TUSC3: variants seen among roughly 807,000 people sequenced by gnomAD.
TUSC3 encodes tumor suppressor candidate 3, also known as dolichyl-diphosphooligosaccharide--protein glycosyltransferase subunit TUSC3.
A neutral mutation model predicts 44.8 loss-of-function variants in TUSC3; 45 were observed. The observed-to-expected ratio is 1.00, with a 90% confidence interval of 0.79 to 1.29. The LOEUF is 1.29. TUSC3 is among the 50% of genes most tolerant of loss of function. The pLI is 0.00. For synonymous variants in TUSC3, 212 were observed against 152.9 expected (o/e 1.39, Z -2.85); for missense variants, 519 against 437.9 (o/e 1.19, Z -1.65).
At chr8:15,514,970 A>T (rs1420723794) in intron 2 of TUSC3, among the ~76,000 whole-genome samples, 1 of 152,204 alleles carries the variant, frequency 6.6e-6, no homozygotes, top group Non-Finnish European at 1.5e-5. Flanking sequence ...ACATATAGAG[A>T]ATACTCCATA....
intron 2 of TUSC3, among the ~76,000 whole-genome samples, chr8:15,512,954 A>ATATATG (rs1554508703): frequency 1.5e-3 from 161 of 110,294 alleles, no homozygotes; most frequent in African/African-American, 4.7e-3. Flanking sequence ...ATATATATAT[A>ATATATG]TATATGATTC....
At chr8:15,817,261 T>G in the TUSC3 span, among the ~76,000 whole-genome samples, 1 of 152,074 alleles carries the variant, frequency 6.6e-6, no homozygotes, top group African/African-American at 2.4e-5. Flanking sequence ...AGGTTCTTCA[T>G]GGTATGTGGT....
the TUSC3 span, among the ~76,000 whole-genome samples, chr8:15,814,944 T>A: frequency 6.6e-6 from 1 of 152,150 alleles, no homozygotes; most frequent in African/African-American, 2.4e-5. Flanking sequence ...ATAAAACATG[T>A]TGGCTACAAC....
intron 2 of TUSC3, among the ~76,000 whole-genome samples, chr8:15,490,479 C>G (rs544382112): frequency 3.3e-5 from 5 of 152,136 alleles, no homozygotes; most frequent in African/African-American, 7.2e-5. Flanking sequence ...ATTGGGTGCA[C>G]TCAACTGAAG....
intron 1 of TUSC3, among the ~76,000 whole-genome samples, chr8:15,472,445 A>T (rs953526987): frequency 5.9e-5 from 9 of 152,194 alleles, no homozygotes; most frequent in Non-Finnish European, 7.3e-5. Flanking sequence ...TTTGCAGGTG[A>T]CTTTTGAAGG....
chr8:15,773,914 C>T, the TUSC3 span, among the ~76,000 whole-genome samples: 15 of 152,150 alleles, frequency 9.9e-5, no homozygotes, highest in Non-Finnish European at 1.3e-4. Flanking sequence ...AATGGATCAA[C>T]GATGTAAACT....
At chr8:15,840,622 T>C in the TUSC3 span, among the ~76,000 whole-genome samples, 1 of 152,146 alleles carries the variant, frequency 6.6e-6, no homozygotes, top group African/African-American at 2.4e-5. Flanking sequence ...TAATTCCTAG[T>C]TAAAAATCAA....
intron 7 of TUSC3, among the ~76,000 whole-genome samples, chr8:15,738,159 G>A (rs995358019): frequency 1.6e-4 from 24 of 152,084 alleles, no homozygotes; most frequent in Non-Finnish European, 4.4e-5. Flanking sequence ...AACATTCTGA[G>A]AAAGAGATCA....
In TUSC3 at chr8:15,673,835, T is replaced by A. The variant is rs1345389131; in HGVS notation, c.797T>A (p.Val266Glu). The A allele has an allele frequency of 6.2e-7, 1 of 1,610,618 alleles. No homozygotes were observed. Among genetic ancestry groups the A allele is most frequent in the Non-Finnish European group, 8.5e-7 (1 of 1,177,292 alleles). The change falls in exon 6 of 11, where the codon GTG becomes GAG. Residue 266 changes from valine to glutamate, a missense_variant and splice_region_variant. Physicochemically the swap from Val to Glu is moderately radical, Grantham distance 121. Coordinates refer to ENST00000503731, the MANE Select transcript of TUSC3 (RefSeq NM_006765.4). ...YAHKNPHNGQ[V>E]SYIHGSSQAQ... is the part of the protein sequence containing the mutation. ...CATAAGAACCCACACAATGGACAAG[T>A]GGTAAGTGTAATTTATAAGCATGAA...
At chr8:15,628,903 G>T (rs1022867143) in intron 2 of TUSC3, among the ~76,000 whole-genome samples, 1 of 152,162 alleles carries the variant, frequency 6.6e-6, no homozygotes, top group African/African-American at 2.4e-5. Context: ...GAGAGAATAT[G>T]GGAAATATGT....
intron 3 of TUSC3, among the ~76,000 whole-genome samples, chr8:15,652,828 A>G (rs925711055): frequency 1.3e-5 from 2 of 152,274 alleles, no homozygotes; most frequent in African/African-American, 2.4e-5. Context: ...TTGAGGCCCA[A>G]ATATCTTACA....
chr8:15,459,990 A>G (rs1485166874), intron 1 of TUSC3, among the ~76,000 whole-genome samples: 1 of 152,316 alleles, frequency 6.6e-6, no homozygotes, highest in East Asian at 1.9e-4. Flanking sequence ...TTGTGCAGCT[A>G]TAAACATGCA....
chr8:15,478,280 T>C (rs1800609196), intron 1 of TUSC3, among the ~76,000 whole-genome samples: 1 of 152,140 alleles, frequency 6.6e-6, no homozygotes, highest in Non-Finnish European at 1.5e-5. Flanking sequence ...TAAAATTTTA[T>C]TCTTTTTTAA....
At chr8:15,738,642 A>C (rs1169130158) in intron 7 of TUSC3, among the ~76,000 whole-genome samples, 1 of 152,132 alleles carries the variant, frequency 6.6e-6, no homozygotes, top group African/African-American at 2.4e-5. Flanking sequence ...AATAAAGAAC[A>C]CAAAAATCCA....
the TUSC3 span, among the ~76,000 whole-genome samples, chr8:15,815,000 G>C: frequency 6.6e-6 from 1 of 152,018 alleles, no homozygotes; most frequent in Non-Finnish European, 1.5e-5. Context: ...CATGAAACAA[G>C]ATACACACAG....
intron 6 of TUSC3, among the ~76,000 whole-genome samples, chr8:15,719,831 G>A (rs544329198): frequency 2.6e-5 from 4 of 152,130 alleles, no homozygotes; most frequent in Admixed American, 6.6e-5. Context: ...CAGAATTCAA[G>A]CCTCGCAGCC....
chr8:15,500,483 G>A (rs11203708), intron 2 of TUSC3, among the ~76,000 whole-genome samples: 125,023 of 152,082 alleles, frequency 0.82, 51,617 homozygotes, highest in Non-Finnish European at 0.86. Flanking sequence ...TTAGATCATT[G>A]AGAACTAGTC....
the TUSC3 span, among the ~76,000 whole-genome samples, chr8:15,775,715 TACAC>T: frequency 7.7e-4 from 111 of 144,742 alleles, 3 homozygotes; most frequent in Admixed American, 6.6e-3. Context: ...TACATATATA[TACAC>T]ACACAAACAT....
intron 2 of TUSC3, among the ~76,000 whole-genome samples, chr8:15,649,646 A>G (rs1806797097): frequency 6.6e-6 from 1 of 151,544 alleles, no homozygotes; most frequent in South Asian, 2.1e-4. Context: ...GTTTTTTTTA[A>G]ATCTCCAGCC....
Sources: gnomAD v4.1 joint callset for allele counts (sites outside exome capture counted in the v4.1 genomes callset) on GRCh38, gnomAD v4.1.1 for gene constraint, MANE v1.5 for transcripts, NCBI Gene and HGNC (gene_info 2026-07-23, HGNC 2026-07-21) for gene names.